The following WAPL variants were observed in gnomAD, a reference collection of about 807,000 sequenced individuals.
The protein encoded by WAPL is WAPL cohesin release factor, also known as wings apart-like protein homolog.
Under a neutral mutation model 121.0 loss-of-function variants are expected in WAPL, and 5 were observed. The observed-to-expected ratio is 0.04, with a 90% CI of 0.02 to 0.09. The LOEUF (loss-of-function observed/expected upper bound fraction) is 0.09. WAPL is among the 10% of genes least tolerant of loss of function. The probability of loss-of-function intolerance (pLI) is 1.00; values close to 1 mark genes in which losing one functional copy is unlikely to be tolerated. For synonymous variants in WAPL, 480 were observed against 481.5 expected, an observed-to-expected ratio of 1.00 and a Z score of 0.04; for missense variants, 999 against 1,410.8, an observed-to-expected ratio of 0.71 and a Z score of 4.68.
chr10:86,475,555 G>A (rs1299587876), intron 4 of WAPL, among the ~76,000 whole-genome samples: 1 of 152,214 alleles, frequency 6.6e-6, no homozygotes, highest in African/African-American at 2.4e-5. Context: ...TTTGGATTGT[G>A]TACACAAACC....
At chr10:86,476,949 T>A (rs1206154431) in intron 4 of WAPL, among the ~76,000 whole-genome samples, 1 of 152,210 alleles carries the variant, frequency 6.6e-6, no homozygotes, top group Non-Finnish European at 1.5e-5. Flanking sequence ...GGTTATGCTG[T>A]TGAACAAGGC....
chr10:86,487,560 C>T (rs1192428233), intron 4 of WAPL, among the ~76,000 whole-genome samples: 1 of 152,126 alleles, frequency 6.6e-6, no homozygotes, highest in African/African-American at 2.4e-5. Context: ...CTGGGAGACA[C>T]TAAAGGAAAT....
At chr10:86,461,403 TAAA>T in intron 9 of WAPL, 116 bp from the exon 10 acceptor site, 1 of 716,132 alleles carries the variant, frequency 1.4e-6, no homozygotes, top group Non-Finnish European at 2.3e-6. Context: ...CTTTTATACA[TAAA>T]ATTGAACTAA....
intron 9 of WAPL, among the ~76,000 whole-genome samples, chr10:86,464,513 CA>C (rs1208659929): frequency 1.3e-5 from 2 of 152,020 alleles, no homozygotes; most frequent in Admixed American, 1.3e-4. Flanking sequence ...TGAAAAAAAT[CA>C]GTAGACACTG....
intron 10 of WAPL, 43 bp from the exon 11 acceptor site, chr10:86,460,539 T>C: frequency 6.7e-7 from 1 of 1,493,830 alleles, no homozygotes; most frequent in Middle Eastern, 1.7e-4. Context: ...TTATCATCGA[T>C]ACTTACCAAT....
intron 13 of WAPL, 96 bp from the exon 14 acceptor site, chr10:86,453,431 T>C: frequency 7.5e-7 from 1 of 1,341,468 alleles, no homozygotes. Flanking sequence ...CTTAGAATTG[T>C]ATAGTCATTC....
At chr10:86,487,911 CA>C (rs1189557002) in intron 4 of WAPL, among the ~76,000 whole-genome samples, 1 of 151,788 alleles carries the variant, frequency 6.6e-6, no homozygotes, top group East Asian at 1.9e-4. Context: ...AACAAACAAA[CA>C]AAAAAAGAGT....
At chr10:86,499,566 T>C in intron 3 of WAPL, 152 bp downstream of exon 3, 2 of 702,902 alleles carry the variant, frequency 2.8e-6, no homozygotes, top group East Asian at 2.9e-5. Flanking sequence ...TACGCTATAA[T>C]AAATGTTATG....
intron 17 of WAPL, among the ~76,000 whole-genome samples, chr10:86,441,906 A>C (rs1849480128): frequency 6.6e-6 from 1 of 152,230 alleles, no homozygotes; most frequent in African/African-American, 2.4e-5. Flanking sequence ...TGAGGCACTG[A>C]CATCACCCAA....
chr10:86,446,744 G>T (rs923793096), intron 15 of WAPL, among the ~76,000 whole-genome samples: 16 of 152,060 alleles, frequency 1.1e-4, no homozygotes, highest in Non-Finnish European at 1.8e-4. Flanking sequence ...ATACAAAATT[G>T]GAAAATTCTT....
At chr10:86,474,896 T>G (rs764946709) in intron 4 of WAPL, among the ~76,000 whole-genome samples, 32 of 152,232 alleles carry the variant, frequency 2.1e-4, no homozygotes, top group Non-Finnish European at 4.1e-4. Flanking sequence ...TGCAGCCAGC[T>G]GTGTGCCACC....
chr10:86,449,398 T>A (rs188562602), intron 15 of WAPL, among the ~76,000 whole-genome samples: 1 of 152,074 alleles, frequency 6.6e-6, no homozygotes, highest in Non-Finnish European at 1.5e-5. Flanking sequence ...GGTATTACAA[T>A]TGAAAAACAA....
intron 14 of WAPL, 112 bp downstream of exon 14, chr10:86,453,108 A>C: frequency 1.8e-6 from 1 of 550,494 alleles, no homozygotes; most frequent in Non-Finnish European, 2.8e-6. Flanking sequence ...AAATTCATGA[A>C]AAAAAACCCA....
At chr10:86,452,295 A>G (rs1193682285) in intron 14 of WAPL, among the ~76,000 whole-genome samples, 164 bp from the exon 15 acceptor site, 1 of 151,976 alleles carries the variant, frequency 6.6e-6, no homozygotes, top group Non-Finnish European at 1.5e-5. Flanking sequence ...AAAAAAGAAA[A>G]AAAAAAAAGA....
Position 86,521,700 on chromosome 10 carries a change from G to C in WAPL, c.-358C>G. 2.2e-6 allele frequency: 1 copy of C among 464,554 alleles called. No individual in the cohort carries two copies. The highest frequency in any genetic ancestry group is 1.6e-5 in the South Asian group (1 of 63,534). The allele number at this position is 464,554 out of a possible 1,614,324, so 28.8% of individuals were successfully genotyped here. A position where few individuals can be genotyped will look rare whatever the true frequency, so the allele number is the denominator to read the frequency against. ...CGCCGCTTCCGCCGGTGAATGGTCA[G>C]TGCTGGAGTTTGAACAGGGCCCTGA... On this transcript the variant is annotated 5_prime_UTR_variant, in exon 1 of 19. Transcript: ENST00000298767.
chr10:86,442,234 G>A (rs1417701010), intron 17 of WAPL, among the ~76,000 whole-genome samples: 2 of 152,110 alleles, frequency 1.3e-5, no homozygotes, highest in Non-Finnish European at 2.9e-5. Context: ...GTTCTGCCAT[G>A]TTGGCAAGGC....
chr10:86,482,370 G>A (rs7913446), intron 4 of WAPL, among the ~76,000 whole-genome samples: 28 of 152,128 alleles, frequency 1.8e-4, no homozygotes, highest in African/African-American at 5.8e-4. Flanking sequence ...TATATGTGAA[G>A]GTATATTTGT....
chr10:86,464,552 T>C (rs1164594122), intron 9 of WAPL, among the ~76,000 whole-genome samples: 2 of 152,190 alleles, frequency 1.3e-5, no homozygotes, highest in African/African-American at 4.8e-5. Context: ...ATAAAAATTA[T>C]ACATGTTTTG....
intron 4 of WAPL, among the ~76,000 whole-genome samples, chr10:86,483,784 ATTTTTTTTTCTT>A (rs1242321735): frequency 4.5e-4 from 59 of 131,360 alleles, no homozygotes; most frequent in Non-Finnish European, 9.3e-5. Flanking sequence ...AAAAAAAAAA[ATTTTTTTTTCTT>A]TTTTTTTTTT....
Sources: allele counts gnomAD v4.1 joint callset (sites outside exome capture counted in the v4.1 genomes callset), GRCh38; gene constraint gnomAD v4.1.1; transcripts MANE v1.5; gene names NCBI Gene and HGNC (gene_info 2026-07-23, HGNC 2026-07-21).